Variants in NLRP4 observed in about 807,000 individuals in gnomAD.
NLRP4 encodes the protein NLR family pyrin domain containing 4, also known as NACHT, LRR and PYD domains-containing protein 4.
A neutral mutation model predicts 84.7 loss-of-function variants in NLRP4; 44 were observed. The ratio of observed to expected loss-of-function variants is 0.52; its 90% CI spans 0.41 to 0.67. The LOEUF (loss-of-function observed/expected upper bound fraction) is 0.67. Among genes scored for constraint, NLRP4 ranks in the 30% least tolerant of loss-of-function variants. The probability of loss-of-function intolerance (pLI) is 0.00; values close to 1 mark genes in which losing one functional copy is unlikely to be tolerated. For synonymous variants in NLRP4, 544 were observed against 476.4 expected, an observed-to-expected ratio of 1.14 and a Z score of -1.85; for missense variants, 1,260 against 1,219.4, an observed-to-expected ratio of 1.03 and a Z score of -0.50.
intron 8 of NLRP4, 95 bp from the exon 9 acceptor site, chr19:55,878,699 A>G: frequency 5.6e-6 from 6 of 1,065,530 alleles, no homozygotes; most frequent in South Asian, 4.9e-5. Flanking sequence ...ACTTGAGGCA[A>G]TGGGGTGTGC....
intron 1 of NLRP4, among the ~76,000 whole-genome samples, chr19:55,849,887 T>C (rs1292970898): frequency 9.2e-5 from 1 of 10,824 alleles, no homozygotes; most frequent in African/African-American, 6.5e-4. Context: ...CGGTGTAATT[T>C]CCGTGGCCGG....
chr19:55,867,740 T>A lies in NLRP4; in HGVS notation c.2218T>A (p.Cys740Ser). The change falls in exon 6 of 10, where the codon TGT (cysteine) becomes AGT (serine). Residue 740 changes from cysteine to serine, a missense_variant. Physicochemically the swap from Cys to Ser is moderately radical, Grantham distance 112 (BLOSUM62 -1). This residue lies in a region of NLRP4 where 544 missense variants were observed against 531.7 expected (regional missense o/e 1.02). Transcript: ENST00000301295. ...AAATTGTCACCTCTCACCCATTGATTGTGAAGTCCTTGCTGGCCTTCTAAC... is the reference window on the plus strand; with the variant it reads ...AAATTGTCACCTCTCACCCATTGATAGTGAAGTCCTTGCTGGCCTTCTAAC... ...LVNCHLSPID[C>S]EVLAGLLTNN... is the part of the protein sequence containing the mutation. 6 of 1,614,156 alleles carry A rather than the reference T, an allele frequency of 3.7e-6. No homozygotes were observed. Among genetic ancestry groups the A allele is most frequent in the Non-Finnish European group, 4.2e-6 (5 of 1,179,974 alleles).
intron 5 of NLRP4, among the ~76,000 whole-genome samples, chr19:55,864,121 A>G (rs916666958): frequency 2.0e-5 from 3 of 152,240 alleles, no homozygotes; most frequent in African/African-American, 7.2e-5. Context: ...TGTACAGTTT[A>G]GTGATCCTCA....
chr19:55,853,133 G>A (rs766323159), intron 2 of NLRP4, among the ~76,000 whole-genome samples: 3 of 152,188 alleles, frequency 2.0e-5, no homozygotes, highest in Non-Finnish European at 4.4e-5. Context: ...CTGGCATAAG[G>A]TGTTAACTGT....
At chr19:55,872,589 A>G (rs1368838338) in intron 7 of NLRP4, among the ~76,000 whole-genome samples, 1 of 152,198 alleles carries the variant, frequency 6.6e-6, no homozygotes, top group Non-Finnish European at 1.5e-5. Context: ...TGGGGTGAAT[A>G]GTAGATTAGA....
chr19:55,871,180 C>G (rs750364966), intron 7 of NLRP4, among the ~76,000 whole-genome samples, 183 bp downstream of exon 7: 1 of 152,172 alleles, frequency 6.6e-6, no homozygotes, highest in Non-Finnish European at 1.5e-5. Flanking sequence ...ACCCTGACTT[C>G]TGTGGCATGG....
rs1984754006 is a variant in NLRP4, at chr19:55,861,512, G to A, written c.1983G>A (p.Gln661=). The stretch of plus-strand genomic sequence containing the variant: ...CGACCTTTGTGACCTGGTGTAACCA[G>A]CTGAGGCATCCCAGCTGTCGCCTTC... ...SESTFVTWCN[Q]LRHPSCRLQK... is the part of the protein sequence containing the mutation. The change falls in exon 4 of 10, where the codon CAG becomes CAA. Residue 661 remains glutamine (Q), a synonymous_variant. Transcript: ENST00000301295. 1.2e-6 allele frequency: 2 copies of A among 1,614,142 alleles called. No homozygotes were observed. Among genetic ancestry groups the A allele is most frequent in the Non-Finnish European group, 1.7e-6 (2 of 1,180,004 alleles).
At chr19:55,839,496 G>GA (rs1235258318) in intron 1 of NLRP4, among the ~76,000 whole-genome samples, 30 of 141,642 alleles carry the variant, frequency 2.1e-4, no homozygotes, top group Non-Finnish European at 4.3e-4. Context: ...AAAAAAAAAA[G>GA]CTTTCAAAAC....
At chr19:55,850,093 G>GGCTGCGGTGTAATTACCGTA (rs1208941678) in intron 1 of NLRP4, among the ~76,000 whole-genome samples, 2 of 101,288 alleles carry the variant, frequency 2.0e-5, no homozygotes, top group Non-Finnish European at 3.6e-5. Flanking sequence ...TAATTTCCGT[G>GGCTGCGGTGTAATTACCGTA]GCTGCGGTGT....
rs1314183703 is a variant in NLRP4 at position 55,867,718 on chromosome 19, T to C, written c.2196T>C (p.Asn732=). 2.5e-6 allele frequency: 4 copies of C among 1,613,532 alleles called. No homozygotes were observed. The highest frequency in any genetic ancestry group is 3.4e-6 in the Non-Finnish European group (4 of 1,179,666). Residue 732 remains asparagine, a synonymous_variant, in exon 6 of 10, where the codon AAT becomes AAC. Transcript: ENST00000301295. ...TTTCCCTTTCCTGCAGGCTGGTAAATTGTCACCTCTCACCCATTGATTGTG... is the reference window on the plus strand; with the variant it reads ...TTTCCCTTTCCTGCAGGCTGGTAAACTGTCACCTCTCACCCATTGATTGTG... The part of the protein sequence containing the change: ...AGNVKELALV[N]CHLSPIDCEV...
At chr19:55,850,748 C>T (rs1352425525) in intron 1 of NLRP4, among the ~76,000 whole-genome samples, 9 of 95,922 alleles carry the variant, frequency 9.4e-5, no homozygotes, top group Non-Finnish European at 1.6e-4. Context: ...CGGTGTACTT[C>T]CCGAGGCTGC....
chr19:55,852,964 A>G (rs1020729418), intron 2 of NLRP4, among the ~76,000 whole-genome samples: 1 of 152,212 alleles, frequency 6.6e-6, no homozygotes, highest in African/African-American at 2.4e-5. Flanking sequence ...TTGCATAAGA[A>G]CTATGCACCT....
At position 55,879,509 on chromosome 19, in the gene NLRP4, G is replaced by GGTAGGGGAGA. The variant is rs1176288104; in HGVS notation, c.2867+545_2867+546insGTAGGGGAGA. 6.5e-3 allele frequency among the ~76,000 whole-genome samples: 994 copies of GGTAGGGGAGA among 152,184 alleles called. 12 individuals are homozygous for GGTAGGGGAGA. The highest frequency in any genetic ancestry group is 0.021 in the African/African-American group (878 of 41,502). On this transcript the variant is annotated intron_variant, in intron 9 of 9. Coordinates refer to ENST00000301295, the MANE Select transcript of NLRP4 (RefSeq NM_134444.5). ...AGCCCCCACCCCAGTCTTTTATTAA[G>GGTAGGGGAGA]CAGGCAGGTTCTCTGCCTGAGCTGC...
intron 2 of NLRP4, 22 bp from the exon 3 acceptor site, chr19:55,857,649 TCTC>T: frequency 6.2e-7 from 1 of 1,603,432 alleles, no homozygotes; most frequent in Non-Finnish European, 8.5e-7. Flanking sequence ...GTGGGTTTTC[TCTC>T]CTCTTGCCCT....
chr19:55,869,392 A>C lies in NLRP4; in HGVS notation c.2355-1435A>C, dbSNP rs1443126831. 2.7e-5 allele frequency among the ~76,000 whole-genome samples: 4 copies of C among 150,498 alleles called. No homozygotes were observed. The East Asian group carries it at 7.8e-4, about 29-fold the overall frequency. On this transcript the variant is annotated intron_variant, in intron 6 of 9. Transcript: ENST00000301295. ...AAAACAAAAAATAAACCAAAAAAAA[A>C]ACAAAAAACAACAAAGTCCACAAAT... is the stretch of plus-strand genomic sequence containing the variant.
At chr19:55,868,165 G>A (rs1181751279) in intron 6 of NLRP4, among the ~76,000 whole-genome samples, 1 of 152,224 alleles carries the variant, frequency 6.6e-6, no homozygotes, top group Non-Finnish European at 1.5e-5. Flanking sequence ...AAGCTGTTAG[G>A]TTGGGTTAAT....
chr19:55,857,575 G>A, intron 2 of NLRP4, 99 bp from the exon 3 acceptor site: 3 of 1,155,634 alleles, frequency 2.6e-6, no homozygotes, highest in Non-Finnish European at 3.7e-6. Flanking sequence ...GCCACAGTGT[G>A]TAGACCCCTG....
In NLRP4 at chr19:55,836,624, T is replaced by C. The variant is rs1983314362; in HGVS notation, c.-376T>C. On this transcript the variant is annotated 5_prime_UTR_variant, in exon 1 of 10. Transcript: ENST00000301295. Reference sequence around the variant, plus strand: ...CTATGTGCTGATTTCCTGGGTTACTTTGGGTCTTCCTTTTCTTTCTCCCTT... The same window carrying C: ...CTATGTGCTGATTTCCTGGGTTACTCTGGGTCTTCCTTTTCTTTCTCCCTT... 6.5e-6 allele frequency: 1 copy of C among 152,672 alleles called. No homozygotes were observed. Among genetic ancestry groups the C allele is most frequent in the Admixed American group, 6.5e-5 (1 of 15,290 alleles). The allele number at this position is 152,672 out of a possible 1,614,324, so 9.5% of individuals were successfully genotyped here. A position where few individuals can be genotyped will look rare whatever the true frequency, so the allele number is the denominator to read the frequency against.
chr19:55,856,511 CTTTTTTT>C (rs71182923), intron 2 of NLRP4, among the ~76,000 whole-genome samples: 3 of 112,214 alleles, frequency 2.7e-5, no homozygotes, highest in Non-Finnish European at 5.2e-5. Flanking sequence ...GTTGCTGGAT[CTTTTTTT>C]TTTTTTTTTT....
Sources: gnomAD v4.1 joint callset for allele counts (sites outside exome capture counted in the v4.1 genomes callset) on GRCh38, gnomAD v4.1.1 for gene constraint, gnomAD v4.1.1 regional missense constraint, MANE v1.5 for transcripts, NCBI Gene and HGNC (gene_info 2026-07-23, HGNC 2026-07-21) for gene names.